Variants in ANKRD17 observed in about 807,000 individuals in gnomAD.
The protein encoded by ANKRD17 is ankyrin repeat domain 17, also known as ankyrin repeat domain-containing protein 17.
A neutral mutation model predicts 229.7 loss-of-function variants in ANKRD17; 19 were observed. That is an observed-to-expected ratio of 0.08 (90% confidence interval 0.06 to 0.12). ANKRD17 has a LOEUF of 0.12. Ranked by LOEUF, ANKRD17 falls within the 10% of genes least tolerant of loss-of-function variation. The pLI is 1.00. For missense variants in ANKRD17, 2,176 were observed against 3,176.8 expected (o/e 0.68, Z 7.57); for synonymous variants, 1,112 against 1,146.1 (o/e 0.97, Z 0.60).
At chr4:73,140,661 T>C (rs1010334807) in intron 14 of ANKRD17, among the ~76,000 whole-genome samples, 1 of 152,300 alleles carries the variant, frequency 6.6e-6, no homozygotes, top group South Asian at 2.1e-4. Flanking sequence ...TAATGCTAAA[T>C]TATTAGGGTG....
At chr4:73,139,499 T>C in intron 15 of ANKRD17, 32 bp downstream of exon 15, 1 of 1,562,724 alleles carries the variant, frequency 6.4e-7, no homozygotes, top group South Asian at 1.2e-5. Context: ...GCAAATCATA[T>C]TTGATACCTG....
chr4:73,083,504 G>C (rs1721778390), intron 30 of ANKRD17, among the ~76,000 whole-genome samples: 1 of 152,146 alleles, frequency 6.6e-6, no homozygotes, highest in African/African-American at 2.4e-5. Context: ...GATATTCCTT[G>C]AACTATTCTT....
At chr4:73,169,584 A>C (rs1341163448) in intron 2 of ANKRD17, among the ~76,000 whole-genome samples, 1 of 152,078 alleles carries the variant, frequency 6.6e-6, no homozygotes, top group African/African-American at 2.4e-5. Context: ...CTATCTACAC[A>C]AAGTGAGCAT....
rs930045273 is a variant in ANKRD17 at position 73,073,819 on chromosome 4, A to G, written c.*2412T>C. On this transcript the variant is annotated 3_prime_UTR_variant, in exon 34 of 34. Transcript: ENST00000358602. ...ATGGATGGTATAAACTGATTATACA[A>G]TAATTGAGATATTAACTACTTGGGG... 1 of 152,056 alleles carries G rather than the reference A, an allele frequency of 6.6e-6. No homozygotes were observed. The highest frequency in any genetic ancestry group is 1.5e-5 in the Non-Finnish European group (1 of 67,878). The allele number at this position is 152,056 out of a possible 1,614,324, so 9.4% of individuals were successfully genotyped here. A position where few individuals can be genotyped will look rare whatever the true frequency, so the allele number is the denominator to read the frequency against.
intron 1 of ANKRD17, among the ~76,000 whole-genome samples, chr4:73,218,314 T>C (rs770406351): frequency 2.6e-5 from 4 of 152,194 alleles, no homozygotes; most frequent in Non-Finnish European, 4.4e-5. Context: ...TATTAAAATA[T>C]GTATCTATGC....
At chr4:73,247,714 A>G (rs1166428208) in intron 1 of ANKRD17, among the ~76,000 whole-genome samples, 1 of 151,990 alleles carries the variant, frequency 6.6e-6, no homozygotes, top group East Asian at 1.9e-4. Flanking sequence ...ATTTTTAAAT[A>G]TATAAAAATC....
At chr4:73,226,306 A>G (rs756875236) in intron 1 of ANKRD17, among the ~76,000 whole-genome samples, 13 of 150,382 alleles carry the variant, frequency 8.6e-5, no homozygotes, top group Non-Finnish European at 1.9e-4. Flanking sequence ...AAATTCACAG[A>G]TAAGAGAATT....
rs748169211 is a variant in ANKRD17, at chr4:73,125,315, A to G, written c.3235-3T>C. ...GCCGTGTCATGATTACTCTCAGTCT[A>G]TAAGAAATTATTTTTTGGTTAGTTT... is the stretch of plus-strand genomic sequence containing the variant. On this transcript the variant is annotated splice_region_variant and splice_polypyrimidine_tract_variant and intron_variant, in intron 16 of 33. Coordinates refer to ENST00000358602, the MANE Select transcript of ANKRD17 (RefSeq NM_032217.5). The G allele has an allele frequency of 5.1e-6, 8 of 1,573,612 alleles. No individual in the cohort carries two copies. In the East Asian group the frequency reaches 6.7e-5, roughly 13 times the overall value.
chr4:73,094,682 C>CAT (rs1036717511), intron 27 of ANKRD17, among the ~76,000 whole-genome samples: 1 of 149,082 alleles, frequency 6.7e-6, no homozygotes, highest in Non-Finnish European at 1.5e-5. Context: ...TATATATAGA[C>CAT]ATATATATGT....
At chr4:73,144,622 G>T in intron 11 of ANKRD17, 123 bp downstream of exon 11, 2 of 493,260 alleles carry the variant, frequency 4.1e-6, no homozygotes, top group Non-Finnish European at 6.9e-6. Context: ...ATCATTAAAT[G>T]TCAGTAGCAT....
At chr4:73,076,465 G>A (rs1405906914) in intron 33 of ANKRD17, among the ~76,000 whole-genome samples, 175 bp from the exon 34 acceptor site, 1 of 151,352 alleles carries the variant, frequency 6.6e-6, no homozygotes, top group Non-Finnish European at 1.5e-5. Flanking sequence ...CCCTCAAACA[G>A]AATCTGATTT....
At chr4:73,171,176 G>GGGGAGAGA (rs1553928540) in intron 2 of ANKRD17, among the ~76,000 whole-genome samples, 140 of 63,940 alleles carry the variant, frequency 2.2e-3, no homozygotes, top group African/African-American at 7.9e-3. Flanking sequence ...GGCTCAGAGG[G>GGGGAGAGA]GGGAGAGAGA....
In ANKRD17 at chr4:73,118,057, C is replaced by A. The variant is rs1726199119; in HGVS notation, c.4188+631G>T. 2.6e-5 allele frequency among the ~76,000 whole-genome samples: 4 copies of A among 152,088 alleles called. No individual in the cohort carries two copies. The South Asian group carries it at 8.3e-4, about 32-fold the overall frequency. ...TTGAGACGGGGTCGTACTCTTGTCA[C>A]CCGGGCTGGAGTGCGGTGGTGCAAT... On this transcript the variant is annotated intron_variant, in intron 22 of 33. Transcript: ENST00000358602.
intron 18 of ANKRD17, among the ~76,000 whole-genome samples, chr4:73,122,701 T>C (rs1386890627): frequency 6.6e-6 from 1 of 152,178 alleles, no homozygotes; most frequent in Non-Finnish European, 1.5e-5. Context: ...AATAGTGGTT[T>C]ATCTTGCATC....
chr4:73,226,222 GCC>G (rs1219048370), intron 1 of ANKRD17, among the ~76,000 whole-genome samples: 27 of 151,856 alleles, frequency 1.8e-4, no homozygotes. Context: ...TGATCTGCCT[GCC>G]TCAGCCACCC....
At chr4:73,096,131 T>C (rs571774451) in intron 27 of ANKRD17, among the ~76,000 whole-genome samples, 42 of 152,322 alleles carry the variant, frequency 2.8e-4, no homozygotes, top group African/African-American at 9.6e-4. Context: ...AATTGTCATA[T>C]TTTCTAAAAG....
intron 1 of ANKRD17, among the ~76,000 whole-genome samples, chr4:73,236,608 C>G (rs1171500919): frequency 6.6e-6 from 1 of 151,936 alleles, no homozygotes; most frequent in Non-Finnish European, 1.5e-5. Flanking sequence ...TCATTATAAT[C>G]TAACTAAAGT....
At chr4:73,172,309 G>C (rs1431630884) in intron 2 of ANKRD17, among the ~76,000 whole-genome samples, 1 of 152,172 alleles carries the variant, frequency 6.6e-6, no homozygotes, top group African/African-American at 2.4e-5. Context: ...TCCTATAATA[G>C]TACATCTGGC....
intron 29 of ANKRD17, among the ~76,000 whole-genome samples, chr4:73,089,402 T>G (rs1048970251): frequency 3.3e-5 from 5 of 152,170 alleles, no homozygotes; most frequent in African/African-American, 1.2e-4. Flanking sequence ...CAGGCCAAAT[T>G]TGGCCCATAG....
Sources: allele counts gnomAD v4.1 joint callset (sites outside exome capture counted in the v4.1 genomes callset), GRCh38; gene constraint gnomAD v4.1.1; transcripts MANE v1.5; gene names NCBI Gene and HGNC (gene_info 2026-07-23, HGNC 2026-07-21).